LPCAT1: variants seen among roughly 807,000 people sequenced by gnomAD.
The protein encoded by LPCAT1 is 1-acylglycerol-3-phosphate O-acyltransferase.
Under a neutral mutation model 60.9 loss-of-function variants are expected in LPCAT1, and 23 were observed. The observed-to-expected ratio is 0.38, with a 90% confidence interval of 0.27 to 0.53. The LOEUF (loss-of-function observed/expected upper bound fraction) is 0.53, where lower values mean the gene tolerates loss of function less well. Among genes scored for constraint, LPCAT1 ranks in the 20% least tolerant of loss-of-function variants. The pLI is 0.82. For synonymous variants in LPCAT1, 340 were observed against 301.1 expected, an observed-to-expected ratio of 1.13 and a Z score of -1.34; for missense variants, 622 against 723.6, an observed-to-expected ratio of 0.86 and a Z score of 1.61.
At chr5:1,512,427 T>C (rs905771330) in intron 1 of LPCAT1, among the ~76,000 whole-genome samples, 1 of 152,210 alleles carries the variant, frequency 6.6e-6, no homozygotes, top group African/African-American at 2.4e-5. Flanking sequence ...GCACCCAGTG[T>C]CCATGCTTCC....
At position 1,465,371 on chromosome 5, in the gene LPCAT1, AAC is replaced by A. The variant is rs571565728; in HGVS notation, c.1420+1376_1420+1377del. On this transcript the variant is annotated intron_variant, in intron 13 of 13. Transcript: ENST00000283415. ...ACACATGCGCACGCACAAGTGCACGAACACACACGGTAACACACATGCGCATG... is the reference window on the plus strand; with the variant it reads ...ACACATGCGCACGCACAAGTGCACGAACACACGGTAACACACATGCGCATG... Among the ~76,000 whole-genome samples, 853 of 132,788 alleles carry A rather than the reference AAC, an allele frequency of 6.4e-3. 6 individuals carry two copies. The highest frequency in any genetic ancestry group is 9.0e-3 in the Admixed American group (120 of 13,324). The allele number at this position is 132,788 out of a possible 152,430, so 87.1% of individuals were successfully genotyped here. A position where few individuals can be genotyped will look rare whatever the true frequency, so the allele number is the denominator to read the frequency against.
chr5:1,498,755 C>T (rs1343468904), intron 2 of LPCAT1, among the ~76,000 whole-genome samples: 1 of 152,138 alleles, frequency 6.6e-6, no homozygotes, highest in Non-Finnish European at 1.5e-5. Flanking sequence ...CTCACATGTA[C>T]ACACATGCAA....
intron 13 of LPCAT1, among the ~76,000 whole-genome samples, chr5:1,464,245 G>A (rs1734231399): frequency 6.6e-6 from 1 of 152,240 alleles, no homozygotes; most frequent in Non-Finnish European, 1.5e-5. Flanking sequence ...GGGAGACCCG[G>A]TAGGCAGGGG....
At chr5:1,499,891 T>C (rs1359003951) in intron 2 of LPCAT1, among the ~76,000 whole-genome samples, 1 of 152,266 alleles carries the variant, frequency 6.6e-6, no homozygotes, top group Non-Finnish European at 1.5e-5. Context: ...CATCAGCCTC[T>C]TGGCCGTGAA....
rs566506615 is a variant in LPCAT1 at position 1,480,791 on chromosome 5, C to T, written c.761+151G>A. ...GTGTCAGGCCTGGGCCACATCTGTA[C>T]GTTTAGTTTTCACAATGGGCTGAAC... is the stretch of plus-strand genomic sequence containing the variant. On this transcript the variant is annotated intron_variant, in intron 7 of 13. Coordinates refer to ENST00000283415, the MANE Select transcript of LPCAT1 (RefSeq NM_024830.5). This position sits in a 1 kb window ranked among gnomAD's most constrained non-coding sequence, Gnocchi z 6.4. 133 of 935,480 alleles carry T rather than the reference C, an allele frequency of 1.4e-4. No homozygotes were observed. In the African/African-American group the frequency reaches 1.8e-3, roughly 13 times the overall value. The allele number at this position is 935,480 out of a possible 1,614,324, so 57.9% of individuals were successfully genotyped here.
rs529189634 is a variant in LPCAT1, at chr5:1,503,541, T to C, written c.136-1938A>G. On this transcript the variant is annotated intron_variant, in intron 1 of 13. Coordinates refer to ENST00000283415, the MANE Select transcript of LPCAT1 (RefSeq NM_024830.5). ...GCGCTGTGCAGCTCCCTGTTAGGAT[T>C]GTTTTTTAAAAGGAATTGCTAGGTC... Among the ~76,000 whole-genome samples, 15 of 152,334 alleles carry C rather than the reference T, an allele frequency of 9.8e-5. No homozygotes were observed. In the South Asian group the frequency reaches 3.1e-3, roughly 32 times the overall value.
chr5:1,464,049 T>C (rs1418605490), intron 13 of LPCAT1, among the ~76,000 whole-genome samples: 1 of 152,236 alleles, frequency 6.6e-6, no homozygotes, highest in Non-Finnish European at 1.5e-5. Context: ...CGGGGCAGGC[T>C]GGGTGTCCTC....
chr5:1,496,660 G>A lies in LPCAT1; in HGVS notation c.279-1746C>T, dbSNP rs938317468. ...CCGAAATCGAATTGCAGGGACAGAC[G>A]GTGCTCAGGGGAACTGTACTGGGTG... On this transcript the variant is annotated intron_variant, in intron 2 of 13. Transcript: ENST00000283415. This position sits in a 1 kb window ranked among gnomAD's most constrained non-coding sequence, Gnocchi z 4.7. Among the ~76,000 whole-genome samples the A allele has an allele frequency of 1.3e-5, 2 of 152,198 alleles. No individual in the cohort carries two copies. Among genetic ancestry groups the A allele is most frequent in the African/African-American group, 4.8e-5 (2 of 41,452 alleles).
Position 1,502,439 on chromosome 5 carries a change from T to C in LPCAT1, c.136-836A>G, listed in dbSNP as rs1736051236. Among the ~76,000 whole-genome samples, 1 of 150,536 alleles carries C rather than the reference T, an allele frequency of 6.6e-6. No individual in the cohort carries two copies. Among genetic ancestry groups the C allele is most frequent in the Non-Finnish European group, 1.5e-5 (1 of 67,610 alleles). ...CACAGAGAAGACGGCAGAATGAAGGTGTGACTTTCCAGTCAATGGAAGACC... is the reference window on the plus strand; with the variant it reads ...CACAGAGAAGACGGCAGAATGAAGGCGTGACTTTCCAGTCAATGGAAGACC... On this transcript the variant is annotated intron_variant, in intron 1 of 13. Transcript: ENST00000283415. The surrounding 1 kb of genome is among the most constrained non-coding windows in gnomAD (Gnocchi z 5.5).
At chr5:1,491,485 C>T (rs1292774285) in intron 3 of LPCAT1, among the ~76,000 whole-genome samples, 4 of 117,252 alleles carry the variant, frequency 3.4e-5, no homozygotes, top group Admixed American at 1.9e-4. Flanking sequence ...CAGATGGGTC[C>T]GGGGGTAAAT....
At chr5:1,501,406 T>C (rs1296834992) in intron 2 of LPCAT1, 55 bp downstream of exon 2, 8 of 1,552,752 alleles carry the variant, frequency 5.2e-6, no homozygotes, top group Non-Finnish European at 5.2e-6. Flanking sequence ...GGGTTCCCAC[T>C]GTTTGGCCGC....
chr5:1,511,250 T>C (rs973050645), intron 1 of LPCAT1, among the ~76,000 whole-genome samples: 4 of 152,166 alleles, frequency 2.6e-5, no homozygotes, highest in African/African-American at 4.8e-5. Flanking sequence ...CTCTGCGGGG[T>C]TGACCTCCCC....
chr5:1,495,032 CT>C lies in LPCAT1; in HGVS notation c.279-119del. ...GGGCGCAGTCCAGGCCACGGGCTTCCTGTGGTCGCCGCCGCTGGGACATCTG... is the reference window on the plus strand; with the variant it reads ...GGGCGCAGTCCAGGCCACGGGCTTCCGTGGTCGCCGCCGCTGGGACATCTG... On this transcript the variant is annotated intron_variant, in intron 2 of 13. Transcript: ENST00000283415. The surrounding 1 kb of genome is among the most constrained non-coding windows in gnomAD (Gnocchi z 4.7). The C allele has an allele frequency of 1.1e-6, 1 of 892,370 alleles. No homozygotes were observed. Among genetic ancestry groups the C allele is most frequent in the Admixed American group, 2.8e-5 (1 of 35,914 alleles). The allele number at this position is 892,370 out of a possible 1,614,324, so 55.3% of individuals were successfully genotyped here. A position where few individuals can be genotyped will look rare whatever the true frequency, so the allele number is the denominator to read the frequency against.
Position 1,483,492 on chromosome 5 carries a change from G to T in LPCAT1, c.668-6C>A. The T allele has an allele frequency of 6.2e-7, 1 of 1,613,710 alleles. No homozygotes were observed. The highest frequency in any genetic ancestry group is 1.1e-5 in the South Asian group (1 of 91,090). ...CGCTCCAGGGATGAATGCACCTGCC[G>T]AGAAAGGAACAGCGGTGTTGCCCAT... On this transcript the variant is annotated splice_polypyrimidine_tract_variant and splice_region_variant and intron_variant, in intron 5 of 13. Coordinates refer to ENST00000283415, the MANE Select transcript of LPCAT1 (RefSeq NM_024830.5). The surrounding 1 kb of genome is among the most constrained non-coding windows in gnomAD (Gnocchi z 9.2).
Position 1,483,133 on chromosome 5 carries a change from TG to T in LPCAT1, c.726+294del, listed in dbSNP as rs1560966235. Among the ~76,000 whole-genome samples, 1 of 152,128 alleles carries T rather than the reference TG, an allele frequency of 6.6e-6. No homozygotes were observed. The highest frequency in any genetic ancestry group is 1.5e-5 in the Non-Finnish European group (1 of 68,022). On this transcript the variant is annotated intron_variant, in intron 6 of 13. Transcript: ENST00000283415. The surrounding 1 kb of genome is among the most constrained non-coding windows in gnomAD (Gnocchi z 9.2). ...TGGCACACAGAGGAAAGGGCAGCTT[TG>T]TCAGGAGCTATGGAAGCAGGGCTCT...
In LPCAT1 at chr5:1,461,800, G is replaced by A. The variant is rs549047616; in HGVS notation, c.*1851C>T. The A allele has an allele frequency of 1.3e-5, 2 of 152,702 alleles. No individual in the cohort carries two copies. Among genetic ancestry groups the A allele is most frequent in the East Asian group, 1.9e-4 (1 of 5,190 alleles). 9.5% of individuals were successfully genotyped at this position (152,702 alleles called of 1,614,324 possible). A position where few individuals can be genotyped will look rare whatever the true frequency, so the allele number is the denominator to read the frequency against. ...ATCTGCAGACCTGCGGAAGGGAGGTGGCCTGGGTCCCTTCCCTCGGAATAT... is the reference window on the plus strand; with the variant it reads ...ATCTGCAGACCTGCGGAAGGGAGGTAGCCTGGGTCCCTTCCCTCGGAATAT... On this transcript the variant is annotated 3_prime_UTR_variant, in exon 14 of 14. Coordinates refer to ENST00000283415, the MANE Select transcript of LPCAT1 (RefSeq NM_024830.5).
intron 3 of LPCAT1, among the ~76,000 whole-genome samples, chr5:1,492,268 T>C (rs1735615474): frequency 2.7e-5 from 4 of 150,852 alleles, no homozygotes; most frequent in Admixed American, 2.6e-4. Flanking sequence ...GAGATGTCTC[T>C]GAGCTGGGGC....
intron 7 of LPCAT1, 59 bp from the exon 8 acceptor site, chr5:1,479,734 A>G (rs1360431212): frequency 7.5e-7 from 1 of 1,332,362 alleles, no homozygotes; most frequent in Non-Finnish European, 1.1e-6. Context: ...CAAGTAAATT[A>G]CTCCCAATTC....
chr5:1,474,774 AGAG>A, intron 9 of LPCAT1, 89 bp from the exon 10 acceptor site: 1 of 1,502,534 alleles, frequency 6.7e-7, no homozygotes, highest in South Asian at 1.3e-5. Context: ...GGCTCAGGGG[AGAG>A]GAGGGCTGAG....
Sources: gnomAD v4.1 joint callset for allele counts (sites outside exome capture counted in the v4.1 genomes callset) on GRCh38, gnomAD v4.1.1 for gene constraint, Gnocchi (gnomAD v3.1) non-coding constraint, MANE v1.5 for transcripts, NCBI Gene and HGNC (gene_info 2026-07-23, HGNC 2026-07-21) for gene names.